Variants in TAFA4 observed in about 807,000 individuals in gnomAD.
TAFA4 encodes the protein TAFA chemokine like family member 4.
A neutral mutation model predicts 21.1 loss-of-function variants in TAFA4; 20 were observed. That is an observed-to-expected ratio of 0.95 (90% CI 0.67 to 1.38). The LOEUF (loss-of-function observed/expected upper bound fraction) is 1.38. Ranked by LOEUF, TAFA4 falls within the 40% of genes most tolerant of loss-of-function variation. The pLI is 0.00. For missense variants in TAFA4, 211 were observed against 180.9 expected (o/e 1.17, Z -0.95); for synonymous variants, 71 against 67.4 (o/e 1.05, Z -0.26).
intron 1 of TAFA4, among the ~76,000 whole-genome samples, chr3:68,922,467 C>CA (rs375644357): frequency 0.014 from 2,065 of 151,352 alleles, 15 homozygotes; most frequent in Admixed American, 0.017. Flanking sequence ...TGCAGAGGAT[C>CA]AAAAAAAAAT....
At chr3:68,801,959 T>A (rs1161787026) in intron 3 of TAFA4, among the ~76,000 whole-genome samples, 1 of 152,038 alleles carries the variant, frequency 6.6e-6, no homozygotes, top group East Asian at 1.9e-4. Flanking sequence ...TTTTCCAGAA[T>A]CCAGCAATCT....
intron 3 of TAFA4, among the ~76,000 whole-genome samples, chr3:68,760,655 G>C (rs1245604898): frequency 3.3e-5 from 5 of 152,178 alleles, no homozygotes; most frequent in Admixed American, 2.6e-4. Flanking sequence ...CAGAATAGAG[G>C]AAAGAGAAGG....
chr3:68,892,445 G>C (rs2106967529), intron 1 of TAFA4, among the ~76,000 whole-genome samples: 1 of 152,220 alleles, frequency 6.6e-6, no homozygotes, highest in South Asian at 2.1e-4. Context: ...AGGTTTGAGG[G>C]GGGTGGATGA....
chr3:68,861,959 G>T (rs2089351328), intron 3 of TAFA4, among the ~76,000 whole-genome samples: 1 of 151,922 alleles, frequency 6.6e-6, no homozygotes, highest in African/African-American at 2.4e-5. Flanking sequence ...CAAGCTCCAG[G>T]TCCCCACACT....
At chr3:68,845,336 CT>C (rs921680418) in intron 3 of TAFA4, among the ~76,000 whole-genome samples, 10 of 151,104 alleles carry the variant, frequency 6.6e-5, no homozygotes, top group African/African-American at 1.9e-4. Flanking sequence ...GCAACCCCTA[CT>C]TTTTTTTTGC....
chr3:68,901,967 T>C (rs2089847543), intron 1 of TAFA4, among the ~76,000 whole-genome samples: 1 of 152,230 alleles, frequency 6.6e-6, no homozygotes, highest in Non-Finnish European at 1.5e-5. Context: ...AGGCATGGTA[T>C]AGTGAAGGGC....
At chr3:68,919,282 C>A (rs1242706476) in intron 1 of TAFA4, among the ~76,000 whole-genome samples, 16 of 152,146 alleles carry the variant, frequency 1.1e-4, no homozygotes, top group Admixed American at 1.0e-3. Context: ...AGGCAGCCCC[C>A]GTCAGGACAG....
At chr3:68,854,370 G>T (rs2106913670) in intron 3 of TAFA4, among the ~76,000 whole-genome samples, 1 of 152,202 alleles carries the variant, frequency 6.6e-6, no homozygotes, top group Middle Eastern at 3.4e-3. Flanking sequence ...AATGACTACA[G>T]ACTTTATTCT....
intron 1 of TAFA4, among the ~76,000 whole-genome samples, chr3:68,925,372 A>C (rs2090098498): frequency 6.6e-6 from 1 of 152,218 alleles, no homozygotes; most frequent in Admixed American, 6.5e-5. Context: ...GAGCTGCCAA[A>C]TGATTTAAAT....
intron 1 of TAFA4, among the ~76,000 whole-genome samples, chr3:68,904,496 TAA>T (rs2089878020): frequency 6.6e-6 from 1 of 152,234 alleles, no homozygotes; most frequent in Admixed American, 6.5e-5. Context: ...AAGAGGTTCA[TAA>T]AAGTTTCCCA....
intron 3 of TAFA4, among the ~76,000 whole-genome samples, chr3:68,815,292 C>T (rs1703946331): frequency 6.6e-6 from 1 of 152,124 alleles, no homozygotes; most frequent in Non-Finnish European, 1.5e-5. Flanking sequence ...GCAATGGCAA[C>T]AAAAGCCAAA....
chr3:68,841,560 A>AT (rs954095162), intron 3 of TAFA4, among the ~76,000 whole-genome samples: 17 of 151,124 alleles, frequency 1.1e-4, no homozygotes, highest in South Asian at 2.1e-4. Flanking sequence ...TTTTTTTCTG[A>AT]TTTTTTTTTA....
intron 3 of TAFA4, among the ~76,000 whole-genome samples, chr3:68,872,496 G>A (rs1051710867): frequency 6.6e-5 from 10 of 151,880 alleles, no homozygotes; most frequent in South Asian, 4.1e-4. Flanking sequence ...AGTATGGTAC[G>A]GTAACTATAG....
chr3:68,811,224 A>G (rs1703830485), intron 3 of TAFA4, among the ~76,000 whole-genome samples: 2 of 152,314 alleles, frequency 1.3e-5, no homozygotes, highest in South Asian at 4.1e-4. Flanking sequence ...AGATGGGGAA[A>G]AAACAGAGCA....
chr3:68,912,838 G>T (rs940476391), intron 1 of TAFA4, among the ~76,000 whole-genome samples: 1 of 152,150 alleles, frequency 6.6e-6, no homozygotes, highest in Non-Finnish European at 1.5e-5. Context: ...GGAAAAAACT[G>T]AGTTTTCTAG....
intron 1 of TAFA4, among the ~76,000 whole-genome samples, chr3:68,901,316 TAAAAAA>T (rs796923082): frequency 6.9e-6 from 1 of 144,098 alleles, no homozygotes; most frequent in Admixed American, 6.9e-5. Flanking sequence ...CTATTTCACT[TAAAAAA>T]AAAAAAAATT....
At chr3:68,768,787 T>A (rs184477624) in intron 3 of TAFA4, among the ~76,000 whole-genome samples, 9 of 152,230 alleles carry the variant, frequency 5.9e-5, no homozygotes, top group Admixed American at 4.6e-4. Context: ...CTGTCATTGG[T>A]GACAACATGG....
chr3:68,892,975 A>G (rs945876887), intron 1 of TAFA4, among the ~76,000 whole-genome samples: 1 of 152,240 alleles, frequency 6.6e-6, no homozygotes, highest in African/African-American at 2.4e-5. Flanking sequence ...CTTGTTGTCC[A>G]AGTGAAATTG....
intron 3 of TAFA4, among the ~76,000 whole-genome samples, chr3:68,820,593 G>GA (rs1477257706): frequency 6.6e-6 from 1 of 152,070 alleles, no homozygotes; most frequent in Non-Finnish European, 1.5e-5. Context: ...TTGAACCTAG[G>GA]AGGTCAAGGC....
Sources: gnomAD v4.1 joint callset for allele counts (sites outside exome capture counted in the v4.1 genomes callset) on GRCh38, gnomAD v4.1.1 for gene constraint, MANE v1.5 for transcripts, NCBI Gene and HGNC (gene_info 2026-07-23, HGNC 2026-07-21) for gene names.